The following SIN3A variants were observed in gnomAD, a reference collection of about 807,000 sequenced individuals.
SIN3A encodes SIN3 transcription regulator family member A.
A neutral mutation model predicts 146.1 loss-of-function variants in SIN3A; 14 were observed. The observed-to-expected ratio is 0.10, with a 90% CI of 0.06 to 0.15. The LOEUF is 0.15. SIN3A is among the 10% of genes least tolerant of loss of function. The pLI is 1.00. For synonymous variants in SIN3A, 572 were observed against 572.0 expected, an observed-to-expected ratio of 1.00 and a Z score of 0.00; for missense variants, 1,028 against 1,576.0, an observed-to-expected ratio of 0.65 and a Z score of 5.89.
chr15:75,429,426 A>G (rs2073978399), intron 2 of SIN3A, among the ~76,000 whole-genome samples: 3 of 152,168 alleles, frequency 2.0e-5, no homozygotes, highest in Non-Finnish European at 4.4e-5. Flanking sequence ...CTATCTCCTA[A>G]AAAAAGAAAA....
chr15:75,417,682 CATAG>C lies in SIN3A; in HGVS notation c.367-3375_367-3372del, dbSNP rs1156700290. Among the ~76,000 whole-genome samples the C allele has an allele frequency of 9.2e-5, 14 of 152,026 alleles. 1 individual carries two copies. The highest frequency in any genetic ancestry group is 3.9e-4 in the Admixed American group (6 of 15,260). On this transcript the variant is annotated intron_variant, in intron 3 of 20. Transcript: ENST00000394947. Reference sequence around the variant, plus strand: ...ATGTGAGCCACCACACCTGGCCAGGCATAGATAGTCTTTTGATTTGTTGCAAAAT... The same window carrying C: ...ATGTGAGCCACCACACCTGGCCAGGCATAGTCTTTTGATTTGTTGCAAAAT...
intron 5 of SIN3A, among the ~76,000 whole-genome samples, chr15:75,412,271 A>G (rs1421754673): frequency 6.6e-6 from 1 of 152,262 alleles, no homozygotes; most frequent in Admixed American, 6.5e-5. Context: ...AAATAGTCCT[A>G]TGTGGCTAGT....
Position 75,400,037 on chromosome 15 carries a change from T to C in SIN3A, c.1854+3A>G. 1 of 1,525,320 alleles carries C rather than the reference T, an allele frequency of 6.6e-7. No individual in the cohort carries two copies. Among genetic ancestry groups the C allele is most frequent in the Non-Finnish European group, 9.1e-7 (1 of 1,099,546 alleles). 94.5% of individuals were successfully genotyped at this position (1,525,320 alleles called of 1,614,324 possible). On this transcript the variant is annotated splice_donor_region_variant and intron_variant, in intron 12 of 20. Coordinates refer to ENST00000394947, the MANE Select transcript of SIN3A (RefSeq NM_001145358.2). ...CAACTTCAAATGCCAAACAAGCTTGTACCTCAAAGCGTTCATCTTCACAAC... is the reference window on the plus strand; with the variant it reads ...CAACTTCAAATGCCAAACAAGCTTGCACCTCAAAGCGTTCATCTTCACAAC...
At chr15:75,402,046 G>A (rs943123289) in intron 9 of SIN3A, 76 bp from the exon 10 acceptor site, 21 of 906,550 alleles carry the variant, frequency 2.3e-5, no homozygotes, top group Middle Eastern at 2.2e-4. Context: ...TCGCTCTGTC[G>A]CCCAGGAGGA....
chr15:75,437,972 T>C (rs765396123), intron 1 of SIN3A, among the ~76,000 whole-genome samples: 47 of 151,600 alleles, frequency 3.1e-4, no homozygotes, highest in African/African-American at 2.9e-4. Context: ...TTAAGCAAGA[T>C]TGCACCACTG....
At chr15:75,386,182 C>T (rs1271675074) in intron 16 of SIN3A, among the ~76,000 whole-genome samples, 4 of 152,126 alleles carry the variant, frequency 2.6e-5, no homozygotes, top group South Asian at 2.1e-4. Flanking sequence ...TGTGCCACCA[C>T]GCCCAGCTAA....
intron 1 of SIN3A, among the ~76,000 whole-genome samples, chr15:75,445,139 G>A (rs773668499): frequency 1.3e-5 from 2 of 151,958 alleles, no homozygotes; most frequent in African/African-American, 4.8e-5. Flanking sequence ...CCAGCACTTC[G>A]GGAGGCCAAG....
intron 2 of SIN3A, among the ~76,000 whole-genome samples, chr15:75,423,215 C>T (rs1022247083): frequency 6.6e-6 from 1 of 152,068 alleles, no homozygotes; most frequent in African/African-American, 2.4e-5. Flanking sequence ...GAGTTCAAGG[C>T]TGCAGTGAGC....
Position 75,409,927 on chromosome 15 carries a change from T to C in SIN3A, c.1226A>G (p.Lys409Arg). 3 of 1,614,148 alleles carry C rather than the reference T, an allele frequency of 1.9e-6. No homozygotes were observed. Among genetic ancestry groups the C allele is most frequent in the African/African-American group, 1.3e-5 (1 of 75,044 alleles). Residue 409 changes from lysine (K) to arginine (R), a missense_variant, in exon 8 of 21, where the codon AAG becomes AGG. Coordinates refer to ENST00000394947, the MANE Select transcript of SIN3A (RefSeq NM_001145358.2). ...SVRNDHGGTV[K>R]KPQLNNKPQR... ...CGGCTTGTTGTTCAGTTGGGGCTTCTTGACAGTGCCTCCATGATCATTTCT... is the reference window on the plus strand; with the variant it reads ...CGGCTTGTTGTTCAGTTGGGGCTTCCTGACAGTGCCTCCATGATCATTTCT...
At chr15:75,399,938 G>A in intron 12 of SIN3A, 102 bp downstream of exon 12, 2 of 717,134 alleles carry the variant, frequency 2.8e-6, no homozygotes, top group Non-Finnish European at 5.0e-6. Flanking sequence ...AAGAATGTGA[G>A]CCTTTGGCTC....
intron 1 of SIN3A, among the ~76,000 whole-genome samples, chr15:75,439,702 A>G (rs1332973947): frequency 6.6e-6 from 1 of 151,804 alleles, no homozygotes; most frequent in Non-Finnish European, 1.5e-5. Flanking sequence ...ACCATTACGC[A>G]TTGGCCAGAC....
At chr15:75,411,309 C>A (rs1329490994) in intron 6 of SIN3A, among the ~76,000 whole-genome samples, 183 bp downstream of exon 6, 1 of 152,208 alleles carries the variant, frequency 6.6e-6, no homozygotes, top group Non-Finnish European at 1.5e-5. Flanking sequence ...GCCTGGGTGA[C>A]AGTGCAAGAC....
intron 1 of SIN3A, among the ~76,000 whole-genome samples, chr15:75,442,170 T>C (rs1237122513): frequency 2.0e-4 from 30 of 147,292 alleles, no homozygotes; most frequent in African/African-American, 7.2e-4. Context: ...TTTTTTTTCA[T>C]TTTTACATAA....
intron 1 of SIN3A, among the ~76,000 whole-genome samples, chr15:75,442,140 A>C (rs935243191): frequency 1.3e-5 from 2 of 148,996 alleles, no homozygotes; most frequent in Non-Finnish European, 3.0e-5. Context: ...AAAAAAAAAA[A>C]AAAAAAAAAA....
chr15:75,414,324 T>A lies in SIN3A; in HGVS notation c.367-13A>T. 7.1e-7 allele frequency: 1 copy of A among 1,405,258 alleles called. No individual in the cohort carries two copies. Among genetic ancestry groups the A allele is most frequent in the East Asian group, 2.4e-5 (1 of 41,454 alleles). 87.0% of individuals were successfully genotyped at this position (1,405,258 alleles called of 1,614,324 possible). On this transcript the variant is annotated splice_polypyrimidine_tract_variant and intron_variant, in intron 3 of 20. Coordinates refer to ENST00000394947, the MANE Select transcript of SIN3A (RefSeq NM_001145358.2). ...GCGCATCCTCCACCTGAGGCAGGGATAAATATCAAGGTTATAAAAAGAAAG... is the reference window on the plus strand; with the variant it reads ...GCGCATCCTCCACCTGAGGCAGGGAAAAATATCAAGGTTATAAAAAGAAAG...
Position 75,409,856 on chromosome 15 carries a change from C to T in SIN3A, c.1297G>A (p.Gly433Arg). 1 of 1,612,824 alleles carries T rather than the reference C, an allele frequency of 6.2e-7. No individual in the cohort carries two copies. The highest frequency in any genetic ancestry group is 8.5e-7 in the Non-Finnish European group (1 of 1,179,954). ...CTCACCTTAACTGGAGGGGTGGTTC[C>T]TGTAGGATGTCTGCGGATCTGGCAG... The part of the protein sequence containing the change: ...NGCQIRRHPT[G>R]TTPPVKKKPK... The change falls in exon 8 of 21, where the codon GGA becomes AGA. Residue 433 changes from glycine to arginine, a missense_variant. Around this residue, in one of 9 missense-constraint regions of SIN3A, gnomAD observed 62 missense variants for 63.5 expected, o/e 0.98. Coordinates refer to ENST00000394947, the MANE Select transcript of SIN3A (RefSeq NM_001145358.2).
chr15:75,412,746 A>G lies in SIN3A; in HGVS notation c.756+17T>C. On this transcript the variant is annotated intron_variant, in intron 5 of 20. Transcript: ENST00000394947. ...AGGGATGCATTCATATTGATGCAAT[A>G]TTTTCCAAGTGCTCACCTTGCTGAC... is the stretch of plus-strand genomic sequence containing the variant. The G allele has an allele frequency of 6.5e-7, 1 of 1,548,440 alleles. No individual in the cohort carries two copies. Among genetic ancestry groups the G allele is most frequent in the East Asian group, 2.3e-5 (1 of 43,798 alleles).
At position 75,417,580 on chromosome 15, in the gene SIN3A, T is replaced by A. The variant is rs576058080; in HGVS notation, c.367-3269A>T. Among the ~76,000 whole-genome samples, 8 of 152,204 alleles carry A rather than the reference T, an allele frequency of 5.3e-5. No individual in the cohort carries two copies. The South Asian group carries it at 1.7e-3, about 32-fold the overall frequency. ...TTTTAGTAGAGATGGGATTTCACCATGTTGGCCAGGCTGGTCTTGAACTCC... is the reference window on the plus strand; with the variant it reads ...TTTTAGTAGAGATGGGATTTCACCAAGTTGGCCAGGCTGGTCTTGAACTCC... On this transcript the variant is annotated intron_variant, in intron 3 of 20. Coordinates refer to ENST00000394947, the MANE Select transcript of SIN3A (RefSeq NM_001145358.2).
At chr15:75,378,110 T>TA (rs1316726991) in intron 19 of SIN3A, among the ~76,000 whole-genome samples, 1 of 152,228 alleles carries the variant, frequency 6.6e-6, no homozygotes, top group Non-Finnish European at 1.5e-5. Flanking sequence ...CAACATTTAG[T>TA]AGGTGTGTAT....
Sources: gnomAD v4.1 joint callset for allele counts (sites outside exome capture counted in the v4.1 genomes callset) on GRCh38, gnomAD v4.1.1 for gene constraint, gnomAD v4.1.1 regional missense constraint, MANE v1.5 for transcripts, NCBI Gene and HGNC (gene_info 2026-07-23, HGNC 2026-07-21) for gene names.